Variants in GRB2 observed in about 807,000 individuals in gnomAD.
GRB2 encodes growth factor receptor-bound protein 2.
A neutral mutation model predicts 27.4 loss-of-function variants in GRB2; 2 were observed. The ratio of observed to expected loss-of-function variants is 0.07; its 90% CI spans 0.03 to 0.23. The LOEUF (loss-of-function observed/expected upper bound fraction) is 0.23, where lower values mean the gene tolerates loss of function less well. GRB2 is among the 10% of genes least tolerant of loss of function. The pLI is 1.00. For missense variants in GRB2, 102 were observed against 282.4 expected (o/e 0.36, Z 4.58); for synonymous variants, 94 against 99.6 (o/e 0.94, Z 0.33).
chr17:75,372,715 T>C (rs908106962), intron 2 of GRB2: 13 of 152,230 alleles, frequency 8.5e-5, no homozygotes, highest in African/African-American at 2.4e-4. Context: ...TGGTGAATTT[T>C]TAGCCTAATA....
intron 2 of GRB2, among the ~76,000 whole-genome samples, chr17:75,352,737 G>T (rs556308058): frequency 6.6e-6 from 1 of 152,268 alleles, no homozygotes; most frequent in East Asian, 1.9e-4. Flanking sequence ...TAATGTCACG[G>T]ATGTCTATGT....
chr17:75,346,598 T>G (rs1223022932), intron 2 of GRB2, among the ~76,000 whole-genome samples: 2 of 146,452 alleles, frequency 1.4e-5, no homozygotes. Flanking sequence ...TTTTTTTTTT[T>G]TTTGAGACAG....
At chr17:75,337,901 CTATTATTATTATTATTATTAT>C (rs71361670) in intron 2 of GRB2, among the ~76,000 whole-genome samples, 2 of 117,388 alleles carry the variant, frequency 1.7e-5, no homozygotes, top group Non-Finnish European at 3.3e-5. Context: ...ACTACTACTA[CTATTATTATTATTATTATTAT>C]TATTATTATT....
At chr17:75,324,921 C>A (rs1395253394) in intron 4 of GRB2, among the ~76,000 whole-genome samples, 2 of 151,910 alleles carry the variant, frequency 1.3e-5, no homozygotes, top group Admixed American at 1.3e-4. Context: ...ACTAAAAATA[C>A]AAAAATAAGC....
intron 2 of GRB2, among the ~76,000 whole-genome samples, chr17:75,355,816 C>CTTTTTTT (rs1170570570): frequency 8.6e-6 from 1 of 115,714 alleles, no homozygotes; most frequent in Non-Finnish European, 1.8e-5. Flanking sequence ...TTCCTTTCTT[C>CTTTTTTT]TTTTTTTTTT....
At chr17:75,354,228 G>A (rs2078713986) in intron 2 of GRB2, among the ~76,000 whole-genome samples, 1 of 129,714 alleles carries the variant, frequency 7.7e-6, no homozygotes, top group Non-Finnish European at 1.6e-5. Flanking sequence ...GGTATTCAGA[G>A]TTGTACAAGC....
At chr17:75,397,133 C>T (rs116627925) in intron 1 of GRB2, among the ~76,000 whole-genome samples, 1,961 of 152,272 alleles carry the variant, frequency 0.013, 40 homozygotes, top group African/African-American at 0.044. Context: ...TCCCTACTTC[C>T]ATGGCTGTGC....
rs748810408 is a variant in GRB2 at position 75,321,656 on chromosome 17, T to C, written c.468+3A>G. 1.2e-6 allele frequency: 2 copies of C among 1,613,946 alleles called. No homozygotes were observed. Among genetic ancestry groups the C allele is most frequent in the Non-Finnish European group, 1.7e-6 (2 of 1,179,856 alleles). On this transcript the variant is annotated splice_donor_region_variant and intron_variant, in intron 5 of 5. Coordinates refer to ENST00000316804, the MANE Select transcript of GRB2 (RefSeq NM_002086.5). The stretch of plus-strand genomic sequence containing the variant: ...GATCCCATCTCACCCTGATGAGGCT[T>C]ACCTGTGGCACCTGTTCTATGTCCC...
At chr17:75,373,798 A>ATTTTT (rs567872973) in intron 2 of GRB2, 1 of 72,870 alleles carries the variant, frequency 1.4e-5, no homozygotes, top group Non-Finnish European at 2.5e-5. Flanking sequence ...AGGTACTGGT[A>ATTTTT]TTTTTTTTTT....
At chr17:75,322,329 G>A (rs8080093) in intron 4 of GRB2, among the ~76,000 whole-genome samples, 4,520 of 146,864 alleles carry the variant, frequency 0.031, 216 homozygotes, top group African/African-American at 0.1. Context: ...CTGAGATCGC[G>A]CCATTGCACT....
intron 3 of GRB2, among the ~76,000 whole-genome samples, chr17:75,328,744 C>T (rs1425647442): frequency 1.3e-5 from 2 of 152,136 alleles, no homozygotes; most frequent in Non-Finnish European, 2.9e-5. Context: ...CGAGACCAAC[C>T]TGGCTAACAC....
At chr17:75,378,461 A>T (rs957088665) in intron 2 of GRB2, among the ~76,000 whole-genome samples, 1 of 152,186 alleles carries the variant, frequency 6.6e-6, no homozygotes, top group Non-Finnish European at 1.5e-5. Flanking sequence ...ACCTGAGGAT[A>T]TGCGGGTGAG....
At chr17:75,347,456 C>T (rs994277067) in intron 2 of GRB2, among the ~76,000 whole-genome samples, 1 of 152,102 alleles carries the variant, frequency 6.6e-6, no homozygotes, top group Non-Finnish European at 1.5e-5. Flanking sequence ...TCTTTGCATG[C>T]CCACAAACCA....
At chr17:75,390,284 G>T (rs1320892527) in intron 2 of GRB2, among the ~76,000 whole-genome samples, 1 of 152,218 alleles carries the variant, frequency 6.6e-6, no homozygotes. Context: ...CTCAAAATGG[G>T]TCTCTTAATT....
At chr17:75,375,615 C>T (rs775750259) in intron 2 of GRB2, among the ~76,000 whole-genome samples, 19 of 152,172 alleles carry the variant, frequency 1.2e-4, no homozygotes, top group Non-Finnish European at 2.4e-4. Flanking sequence ...GGCACAGTGG[C>T]TCACACCTGT....
At chr17:75,347,239 C>T (rs747482196) in intron 2 of GRB2, among the ~76,000 whole-genome samples, 3 of 152,076 alleles carry the variant, frequency 2.0e-5, no homozygotes, top group Non-Finnish European at 4.4e-5. Context: ...CCAGTGAAAC[C>T]CCACCTCTAA....
intron 2 of GRB2, among the ~76,000 whole-genome samples, chr17:75,379,640 T>C (rs2078915236): frequency 6.6e-6 from 1 of 152,092 alleles, no homozygotes; most frequent in Admixed American, 6.6e-5. Context: ...GCTCAAGTGG[T>C]CCTCCCACTT....
intron 2 of GRB2, among the ~76,000 whole-genome samples, chr17:75,339,660 CTT>C (rs990655446): frequency 5.8e-5 from 8 of 137,200 alleles, no homozygotes; most frequent in Admixed American, 1.5e-4. Context: ...AGTTTTCACT[CTT>C]GTTACCCAGG....
chr17:75,393,614 G>T lies in GRB2; in HGVS notation c.15C>A (p.Ala5=). 4 of 1,613,994 alleles carry T rather than the reference G, an allele frequency of 2.5e-6. No individual in the cohort carries two copies. Among genetic ancestry groups the T allele is most frequent in the Non-Finnish European group, 3.4e-6 (4 of 1,179,910 alleles). The change falls in exon 2 of 6, where the codon GCC becomes GCA. Residue 5 remains alanine, a synonymous_variant. Transcript: ENST00000316804. The part of the protein sequence containing the change: MEAI[A]KYDFKATADD... Reference sequence around the variant, plus strand: ...CTGCAGTAGCTTTGAAGTCATATTTGGCGATGGCTTCCATTCTGAGCGCTG... The same window carrying T: ...CTGCAGTAGCTTTGAAGTCATATTTTGCGATGGCTTCCATTCTGAGCGCTG...
Sources: gnomAD v4.1 joint callset for allele counts (sites outside exome capture counted in the v4.1 genomes callset) on GRCh38, gnomAD v4.1.1 for gene constraint, MANE v1.5 for transcripts, NCBI Gene and HGNC (gene_info 2026-07-23, HGNC 2026-07-21) for gene names.